The following HOOK1 variants were observed in gnomAD, a reference collection of about 807,000 sequenced individuals.
HOOK1 encodes the protein protein Hook homolog 1.
HOOK1 carries 60 observed loss-of-function variants against 112.8 expected under a neutral mutation model. The ratio of observed to expected loss-of-function variants is 0.53; its 90% confidence interval spans 0.43 to 0.66. The LOEUF is 0.66. HOOK1 is among the 30% of genes least tolerant of loss of function. The probability of loss-of-function intolerance (pLI) is 0.00; values close to 1 mark genes in which losing one functional copy is unlikely to be tolerated. For synonymous variants in HOOK1, 294 were observed against 283.8 expected, an observed-to-expected ratio of 1.04 and a Z score of -0.36; for missense variants, 770 against 856.0, an observed-to-expected ratio of 0.90 and a Z score of 1.25.
At position 59,832,309 on chromosome 1, in the gene HOOK1, A is replaced by G. The variant is rs112764214; in HGVS notation, c.273+96A>G. The G allele has an allele frequency of 2.7e-3, 1,949 of 726,510 alleles. 19 individuals are homozygous for G. The African/African-American group carries it at 0.032, about 12-fold the overall frequency. 45.0% of individuals were successfully genotyped at this position (726,510 alleles called of 1,614,324 possible). ...CTTGGTTTTTTGTTTATAATATTTT[A>G]CTGGAATGTAAGTCATAATTAGAAC... is the stretch of plus-strand genomic sequence containing the variant. On this transcript the variant is annotated intron_variant, in intron 4 of 21. Transcript: ENST00000371208.
At chr1:59,871,181 C>A in intron 21 of HOOK1, 71 bp downstream of exon 21, 3 of 958,004 alleles carry the variant, frequency 3.1e-6, no homozygotes, top group Non-Finnish European at 5.0e-6. Flanking sequence ...CCAAGTACAA[C>A]ATAAGAAAAT....
chr1:59,841,216 C>T (rs916916896), intron 8 of HOOK1, among the ~76,000 whole-genome samples: 12 of 152,102 alleles, frequency 7.9e-5, no homozygotes, highest in Non-Finnish European at 2.9e-5. Context: ...AAAAGGTGTA[C>T]AGAAGGTTAA....
intron 1 of HOOK1, among the ~76,000 whole-genome samples, chr1:59,821,591 T>G (rs1300545911): frequency 1.3e-5 from 2 of 152,252 alleles, no homozygotes; most frequent in Non-Finnish European, 2.9e-5. Context: ...TTATTCCAAA[T>G]TATGTATTAC....
At chr1:59,855,292 C>T (rs1368284406) in intron 12 of HOOK1, among the ~76,000 whole-genome samples, 3 of 152,164 alleles carry the variant, frequency 2.0e-5, no homozygotes, top group Non-Finnish European at 4.4e-5. Flanking sequence ...TCCACCAACC[C>T]TCTGCTCTCA....
chr1:59,865,906 G>T lies in HOOK1; in HGVS notation c.1779G>T (p.Gln593His), dbSNP rs1052605235. ...QKINELEAALQKKDEDMKAME... is the reference protein window; with the variant it reads ...QKINELEAALHKKDEDMKAME... ...TCAATGAACTTGAAGCTGCTCTTCA[G>T]AAGAAAGATGAAGATATGAAAGCAA... is the stretch of plus-strand genomic sequence containing the variant. Residue 593 changes from glutamine to histidine, a missense_variant, in exon 19 of 22, where the codon CAG becomes CAT. Physicochemically the swap from Gln to His is conservative, Grantham distance 24. This residue lies in a region of HOOK1 where 655 missense variants were observed against 725.9 expected (regional missense o/e 0.90). Transcript: ENST00000371208. 8 of 1,593,792 alleles carry T rather than the reference G, an allele frequency of 5.0e-6. No homozygotes were observed. In the African/African-American group the frequency reaches 8.1e-5, roughly 16 times the overall value.
At chr1:59,829,953 C>G (rs963841607) in intron 3 of HOOK1, among the ~76,000 whole-genome samples, 1 of 151,984 alleles carries the variant, frequency 6.6e-6, no homozygotes, top group Non-Finnish European at 1.5e-5. Context: ...ATAAAGTTTT[C>G]TCCTTTGACC....
At position 59,862,855 on chromosome 1, in the gene HOOK1, G is replaced by C. The variant is rs994038283; in HGVS notation, c.1604G>C (p.Gly535Ala). ...EDLQKSLQEQ[G>A]SKSEGESSSK... Reference sequence around the variant, plus strand: ...CTCCAGAAATCTTTACAGGAACAAGGTTCCAAGTCTGAAGGCGAAAGTGTA... The same window carrying C: ...CTCCAGAAATCTTTACAGGAACAAGCTTCCAAGTCTGAAGGCGAAAGTGTA... The change falls in exon 16 of 22, where the codon GGT (glycine) becomes GCT (alanine). Residue 535 changes from glycine (G) to alanine (A), a missense_variant. Coordinates refer to ENST00000371208, the MANE Select transcript of HOOK1 (RefSeq NM_015888.6). The C allele has an allele frequency of 1.2e-6, 2 of 1,608,314 alleles. No individual in the cohort carries two copies. The highest frequency in any genetic ancestry group is 2.2e-5 in the East Asian group (1 of 44,818).
intron 10 of HOOK1, among the ~76,000 whole-genome samples, chr1:59,848,058 T>G (rs561919042): frequency 6.6e-6 from 1 of 151,810 alleles, no homozygotes; most frequent in African/African-American, 2.4e-5. Flanking sequence ...TGAAACAGTT[T>G]GATAAATTAG....
chr1:59,855,962 AT>A (rs1559057989), intron 12 of HOOK1, among the ~76,000 whole-genome samples: 109 of 82,564 alleles, frequency 1.3e-3, no homozygotes, highest in African/African-American at 6.5e-3. Context: ...ATATATATAA[AT>A]TATTATATAT....
intron 19 of HOOK1, among the ~76,000 whole-genome samples, chr1:59,867,798 A>T (rs1643993711): frequency 6.6e-6 from 1 of 152,190 alleles, no homozygotes; most frequent in Admixed American, 6.5e-5. Context: ...GGATAATAAT[A>T]GTAAAAAAGA....
chr1:59,861,857 G>T (rs1375535596), intron 15 of HOOK1, among the ~76,000 whole-genome samples: 1 of 152,128 alleles, frequency 6.6e-6, no homozygotes, highest in Non-Finnish European at 1.5e-5. Flanking sequence ...TCTCAAACTT[G>T]TGTGTATAAG....
At chr1:59,815,340 G>C (rs2098380462) in intron 1 of HOOK1, 160 bp downstream of exon 1, 2 of 673,252 alleles carry the variant, frequency 3.0e-6, no homozygotes, top group Admixed American at 5.8e-5. Context: ...CCACCTGCGG[G>C]TCGACGGGCA....
At position 59,854,370 on chromosome 1, in the gene HOOK1, A is replaced by G. The variant is rs1451112250; in HGVS notation, c.1243-4058A>G. The stretch of plus-strand genomic sequence containing the variant: ...CAGCCATTAAAATATATTTGTGTAT[A>G]TAGTTACCTCTGTTGGTGGTGTTTC... On this transcript the variant is annotated intron_variant, in intron 12 of 21. Coordinates refer to ENST00000371208, the MANE Select transcript of HOOK1 (RefSeq NM_015888.6). Among the ~76,000 whole-genome samples the G allele has an allele frequency of 3.3e-5, 5 of 151,908 alleles. No individual in the cohort carries two copies. The South Asian group carries it at 6.2e-4, about 19-fold the overall frequency.
chr1:59,827,435 A>G (rs1328356055), intron 2 of HOOK1, among the ~76,000 whole-genome samples: 1 of 152,204 alleles, frequency 6.6e-6, no homozygotes, highest in Admixed American at 6.5e-5. Flanking sequence ...TCCTCTGGTT[A>G]GGAGTTTTTA....
intron 1 of HOOK1, among the ~76,000 whole-genome samples, chr1:59,819,611 A>T (rs1180027792): frequency 6.6e-6 from 1 of 152,206 alleles, no homozygotes; most frequent in Non-Finnish European, 1.5e-5. Flanking sequence ...AATTGATTTT[A>T]ATCTGAACAT....
At chr1:59,823,164 C>CA (rs1156694193) in intron 2 of HOOK1, among the ~76,000 whole-genome samples, 2 of 151,966 alleles carry the variant, frequency 1.3e-5, no homozygotes, top group Non-Finnish European at 1.5e-5. Context: ...ACTAAAAATA[C>CA]AAAAAATTAG....
intron 2 of HOOK1, among the ~76,000 whole-genome samples, chr1:59,825,999 A>T (rs2098389619): frequency 6.6e-6 from 1 of 152,190 alleles, no homozygotes; most frequent in Non-Finnish European, 1.5e-5. Flanking sequence ...ATGGGTTAAT[A>T]GAGAAGATTT....
intron 1 of HOOK1, among the ~76,000 whole-genome samples, chr1:59,819,132 A>G (rs1439436453): frequency 1.4e-5 from 2 of 144,690 alleles, no homozygotes; most frequent in African/African-American, 2.6e-5. Flanking sequence ...ACTCGCCCCA[A>G]TAAGCATTTT....
intron 9 of HOOK1, among the ~76,000 whole-genome samples, chr1:59,844,365 T>C (rs2098402533): frequency 6.6e-6 from 1 of 152,060 alleles, no homozygotes; most frequent in South Asian, 2.1e-4. Flanking sequence ...CATTCTCTTA[T>C]AAGCCACGTT....
Sources: gnomAD v4.1 joint callset for allele counts (sites outside exome capture counted in the v4.1 genomes callset) on GRCh38, gnomAD v4.1.1 for gene constraint, gnomAD v4.1.1 regional missense constraint, MANE v1.5 for transcripts, NCBI Gene and HGNC (gene_info 2026-07-23, HGNC 2026-07-21) for gene names.